Variants in CC2D2B observed in about 807,000 individuals in gnomAD.
CC2D2B encodes protein CC2D2B.
Under a neutral mutation model 161.2 loss-of-function variants are expected in CC2D2B, and 128 were observed. The observed-to-expected ratio is 0.79, with a 90% confidence interval of 0.69 to 0.92. The LOEUF (loss-of-function observed/expected upper bound fraction) is 0.92. Ranked by LOEUF, CC2D2B falls within the 40% of genes least tolerant of loss-of-function variation. The probability of loss-of-function intolerance (pLI) is 0.00; values close to 1 mark genes in which losing one functional copy is unlikely to be tolerated. For missense variants in CC2D2B, 1,173 were observed against 1,375.1 expected, an observed-to-expected ratio of 0.85 and a Z score of 2.32; for synonymous variants, 391 against 449.8, an observed-to-expected ratio of 0.87 and a Z score of 1.65.
chr10:95,912,278 C>G (rs1307463331), intron 2 of CC2D2B, among the ~76,000 whole-genome samples: 1 of 151,992 alleles, frequency 6.6e-6, no homozygotes, highest in Non-Finnish European at 1.5e-5. Flanking sequence ...TTTAACATTG[C>G]TAGAATAGTT....
At chr10:95,981,052 A>G (rs1338351210) in intron 17 of CC2D2B, among the ~76,000 whole-genome samples, 1 of 152,212 alleles carries the variant, frequency 6.6e-6, no homozygotes, top group Non-Finnish European at 1.5e-5. Context: ...AAGGTCACTA[A>G]GAATATATTA....
chr10:96,019,607 GA>G (rs1437073165), intron 31 of CC2D2B, 94 bp from the exon 32 acceptor site: 2 of 1,216,702 alleles, frequency 1.6e-6, no homozygotes, highest in Non-Finnish European at 2.3e-6. Context: ...CCACTTCATT[GA>G]GTAGTAAGAC....
chr10:95,954,393 AACTTTATCCTAT>A (rs2076505111), intron 10 of CC2D2B, among the ~76,000 whole-genome samples: 4 of 152,260 alleles, frequency 2.6e-5, no homozygotes, highest in Middle Eastern at 6.8e-3. Context: ...TTAAAATACT[AACTTTATCCTAT>A]ACCAGCTGCA....
chr10:95,922,144 C>T, intron 3 of CC2D2B, 68 bp downstream of exon 3: 1 of 862,092 alleles, frequency 1.2e-6, no homozygotes, highest in Non-Finnish European at 1.8e-6. Flanking sequence ...AATGATTAAT[C>T]CTGTGCCAGG....
rs1211970739 is a variant in CC2D2B, at chr10:95,955,325, A to G, written c.1012-69A>G. 7 of 396,788 alleles carry G rather than the reference A, an allele frequency of 1.8e-5. No homozygotes were observed. In the East Asian group the frequency reaches 2.5e-4, roughly 14 times the overall value. The allele number at this position is 396,788 out of a possible 1,614,324, so 24.6% of individuals were successfully genotyped here. A position where few individuals can be genotyped will look rare whatever the true frequency, so the allele number is the denominator to read the frequency against. The stretch of plus-strand genomic sequence containing the variant: ...TCGGCTGCTGCACACACCTTGACCT[A>G]CAGGTGAACTGGATCAATGGTAACA... On this transcript the variant is annotated intron_variant, in intron 10 of 34. Coordinates refer to ENST00000646931, the MANE Select transcript of CC2D2B (RefSeq NM_001349008.3).
At chr10:95,973,878 A>G in intron 16 of CC2D2B, 131 bp from the exon 17 acceptor site, 3 of 448,218 alleles carry the variant, frequency 6.7e-6, no homozygotes, top group Non-Finnish European at 7.3e-6. Context: ...AAAAAAAAAA[A>G]AAGAGTGGGG....
intron 17 of CC2D2B, among the ~76,000 whole-genome samples, chr10:95,980,958 G>A (rs546871583): frequency 6.6e-6 from 1 of 152,294 alleles, no homozygotes; most frequent in African/African-American, 2.4e-5. Flanking sequence ...TGAAGAGACA[G>A]ATTAAATAGC....
intron 34 of CC2D2B, among the ~76,000 whole-genome samples, chr10:96,028,335 A>T (rs2079873485): frequency 6.6e-6 from 1 of 152,238 alleles, no homozygotes; most frequent in Admixed American, 6.5e-5. Flanking sequence ...GACATTTTTC[A>T]AAAGAAGACA....
chr10:95,984,264 G>A (rs1332740681), intron 19 of CC2D2B, among the ~76,000 whole-genome samples: 2 of 152,182 alleles, frequency 1.3e-5, no homozygotes, highest in East Asian at 3.9e-4. Flanking sequence ...GTGCCAGCCA[G>A]GTCTAGCACA....
At chr10:95,925,742 T>C (rs1590366191) in intron 5 of CC2D2B, among the ~76,000 whole-genome samples, 1 of 152,224 alleles carries the variant, frequency 6.6e-6, no homozygotes, top group Non-Finnish European at 1.5e-5. Context: ...ATCTCCAATA[T>C]GTGGTTTCCA....
At chr10:95,986,402 C>A (rs1173513236) in intron 19 of CC2D2B, among the ~76,000 whole-genome samples, 2 of 14,986 alleles carry the variant, frequency 1.3e-4, no homozygotes, top group Non-Finnish European at 3.1e-4. Flanking sequence ...ATGAAGGATG[C>A]ATTAACTGGT....
chr10:95,981,340 C>G (rs2077517663), intron 17 of CC2D2B, among the ~76,000 whole-genome samples: 1 of 146,662 alleles, frequency 6.8e-6, no homozygotes, highest in South Asian at 2.1e-4. Context: ...TTGCAGTGAG[C>G]CGGGATCGCG....
At position 95,908,006 on chromosome 10, in the gene CC2D2B, G is replaced by C. The variant is rs2098499022; in HGVS notation, c.-75G>C. ...TGATCATCCTAGCCTGCGGTAGATG[G>C]TGCGCCCTGCCTTCCCTGCCCAGAC... is the stretch of plus-strand genomic sequence containing the variant. On this transcript the variant is annotated 5_prime_UTR_variant, in exon 1 of 35. Coordinates refer to ENST00000646931, the MANE Select transcript of CC2D2B (RefSeq NM_001349008.3). The C allele has an allele frequency of 6.6e-6, 1 of 152,310 alleles. No homozygotes were observed. Among genetic ancestry groups the C allele is most frequent in the South Asian group, 2.1e-4 (1 of 4,832 alleles). 9.4% of individuals were successfully genotyped at this position (152,310 alleles called of 1,614,324 possible).
intron 18 of CC2D2B, among the ~76,000 whole-genome samples, chr10:95,982,722 ACT>A (rs1358672755): frequency 6.6e-6 from 1 of 151,008 alleles, no homozygotes; most frequent in East Asian, 1.9e-4. Flanking sequence ...AACTCTTATG[ACT>A]CTAATTTCAT....
chr10:95,914,155 G>T (rs1444784839), intron 2 of CC2D2B, among the ~76,000 whole-genome samples: 1 of 152,000 alleles, frequency 6.6e-6, no homozygotes, highest in African/African-American at 2.4e-5. Flanking sequence ...GAGAGATAGG[G>T]GTCCAGTTTC....
rs986274183 is a variant in CC2D2B, at chr10:96,027,453, T to C, written c.4125+64T>C. The C allele has an allele frequency of 9.3e-6, 11 of 1,184,752 alleles. No homozygotes were observed. In the Admixed American group the frequency reaches 3.0e-4, roughly 33 times the overall value. 73.4% of individuals were successfully genotyped at this position (1,184,752 alleles called of 1,614,324 possible). A position where few individuals can be genotyped will look rare whatever the true frequency, so the allele number is the denominator to read the frequency against. ...ATATATGTTGTTAATTGCTAAATAA[T>C]AGCAGTCTTAAATATTTCTGAAAGG... is the stretch of plus-strand genomic sequence containing the variant. On this transcript the variant is annotated intron_variant, in intron 34 of 34. Transcript: ENST00000646931.
intron 34 of CC2D2B, among the ~76,000 whole-genome samples, 158 bp from the exon 35 acceptor site, chr10:96,031,662 T>C (rs930076346): frequency 1.3e-5 from 2 of 152,200 alleles, no homozygotes; most frequent in Non-Finnish European, 2.9e-5. Flanking sequence ...ATGTGAAGCA[T>C]TTAGCTGTAC....
At chr10:95,987,569 T>C (rs1164471707) in intron 19 of CC2D2B, among the ~76,000 whole-genome samples, 2 of 152,196 alleles carry the variant, frequency 1.3e-5, no homozygotes, top group Non-Finnish European at 2.9e-5. Flanking sequence ...GCATTGGGGA[T>C]ATATAATACT....
chr10:95,972,269 T>A, intron 16 of CC2D2B, 53 bp downstream of exon 16: 1 of 1,118,722 alleles, frequency 8.9e-7, no homozygotes, highest in Admixed American at 4.2e-5. Flanking sequence ...GAGTACCATA[T>A]TCCTAAGTGA....
Sources: gnomAD v4.1 joint callset for allele counts (sites outside exome capture counted in the v4.1 genomes callset) on GRCh38, gnomAD v4.1.1 for gene constraint, MANE v1.5 for transcripts, NCBI Gene and HGNC (gene_info 2026-07-23, HGNC 2026-07-21) for gene names.